Variants in RYR2 observed in about 807,000 individuals in gnomAD.
The protein encoded by RYR2 is cardiac muscle ryanodine receptor-calcium release channel.
Under a neutral mutation model 601.1 loss-of-function variants are expected in RYR2, and 227 were observed. The ratio of observed to expected loss-of-function variants is 0.38; its 90% CI spans 0.34 to 0.42. The LOEUF (loss-of-function observed/expected upper bound fraction) is 0.42. Ranked by LOEUF, RYR2 falls within the 10% of genes least tolerant of loss-of-function variation. RYR2 has a pLI of 1.00. For missense variants in RYR2, 4,646 were observed against 6,156.5 expected (o/e 0.75, Z 8.21); for synonymous variants, 2,223 against 2,175.1 (o/e 1.02, Z -0.61).
chr1:237,606,587 G>A (rs952755895), intron 35 of RYR2, among the ~76,000 whole-genome samples: 2 of 152,174 alleles, frequency 1.3e-5, no homozygotes, highest in Non-Finnish European at 2.9e-5. Context: ...TTAAACTAAA[G>A]AGCTTCTGCA....
chr1:237,718,098 G>C (rs1040503977), intron 72 of RYR2, among the ~76,000 whole-genome samples: 1 of 152,040 alleles, frequency 6.6e-6, no homozygotes, highest in Non-Finnish European at 1.5e-5. Context: ...GCTATTACTG[G>C]GTCATGGAGG....
At chr1:237,729,910 C>T (rs1690526828) in intron 76 of RYR2, among the ~76,000 whole-genome samples, 1 of 152,104 alleles carries the variant, frequency 6.6e-6, no homozygotes, top group South Asian at 2.1e-4. Context: ...ATTTAATGAA[C>T]ATCTAATCAA....
At chr1:237,222,737 C>CA (rs757445989) in intron 1 of RYR2, among the ~76,000 whole-genome samples, 1 of 151,952 alleles carries the variant, frequency 6.6e-6, no homozygotes, top group Non-Finnish European at 1.5e-5. Flanking sequence ...TTTCTAACCC[C>CA]AAATTTATGT....
chr1:237,578,335 A>G lies in RYR2; in HGVS notation c.3598+9016A>G, dbSNP rs116180421. ...TGGCTCAGGTACAGGTCATAGTAGT[A>G]TCCTCTCTTTTATGAGCAGGGTGCT... On this transcript the variant is annotated intron_variant, in intron 29 of 104. Transcript: ENST00000366574. Among the ~76,000 whole-genome samples the G allele has an allele frequency of 3.7e-3, 560 of 152,272 alleles. 2 individuals carry two copies. Among genetic ancestry groups the G allele is most frequent in the African/African-American group, 0.013 (521 of 41,552 alleles).
At chr1:237,445,585 C>A in intron 14 of RYR2, 63 bp downstream of exon 14, 1 of 1,578,772 alleles carries the variant, frequency 6.3e-7, no homozygotes, top group Non-Finnish European at 8.7e-7. Context: ...ATTGGATATG[C>A]AAATAGACAA....
At position 237,783,724 on chromosome 1, in the gene RYR2, G is replaced by C; in HGVS notation, c.12012G>C (p.Val4004=). 1 of 1,611,948 alleles carries C rather than the reference G, an allele frequency of 6.2e-7. No individual in the cohort carries two copies. The highest frequency in any genetic ancestry group is 8.5e-7 in the Non-Finnish European group (1 of 1,178,706). Reference sequence around the variant, plus strand: ...GCAAACAGATGGTGGATATGCTTGTGGAATCTTCCAACAACGTGGAGATGA... The same window carrying C: ...GCAAACAGATGGTGGATATGCTTGTCGAATCTTCCAACAACGTGGAGATGA... The part of the protein sequence containing the change: ...TIGKQMVDML[V]ESSNNVEMIL... Residue 4004 remains valine, a synonymous_variant, in exon 90 of 105, where the codon GTG becomes GTC. Coordinates refer to ENST00000366574, the MANE Select transcript of RYR2 (RefSeq NM_001035.3).
intron 2 of RYR2, among the ~76,000 whole-genome samples, chr1:237,294,978 C>G (rs765087339): frequency 4.6e-5 from 7 of 152,070 alleles, no homozygotes; most frequent in Admixed American, 1.3e-4. Context: ...GTTTGGGAGA[C>G]TGAGATGGAA....
chr1:237,276,803 A>G (rs1393797920), intron 2 of RYR2, among the ~76,000 whole-genome samples: 1 of 152,244 alleles, frequency 6.6e-6, no homozygotes, highest in East Asian at 1.9e-4. Context: ...TCATAAAATA[A>G]ATAGTGTGGT....
intron 77 of RYR2, among the ~76,000 whole-genome samples, chr1:237,730,989 C>A (rs953264449): frequency 6.6e-6 from 1 of 152,136 alleles, no homozygotes; most frequent in Non-Finnish European, 1.5e-5. Context: ...TAGTCAGAGG[C>A]TTCATGATTC....
chr1:237,408,085 T>A (rs1353257615), intron 10 of RYR2, among the ~76,000 whole-genome samples: 1 of 152,102 alleles, frequency 6.6e-6, no homozygotes, highest in Non-Finnish European at 1.5e-5. Context: ...AACTTACCAA[T>A]TTTTTATTTC....
At chr1:237,576,985 A>G (rs1242775630) in intron 29 of RYR2, among the ~76,000 whole-genome samples, 6 of 152,186 alleles carry the variant, frequency 3.9e-5, no homozygotes, top group Admixed American at 3.9e-4. Flanking sequence ...CAGTACACCC[A>G]TAGAACCTCT....
chr1:237,715,698 C>T (rs1194488858), intron 71 of RYR2, among the ~76,000 whole-genome samples: 1 of 152,076 alleles, frequency 6.6e-6, no homozygotes, highest in Non-Finnish European at 1.5e-5. Context: ...CAAACCAATA[C>T]AATTTAGACT....
chr1:237,540,146 A>G (rs1375673225), intron 25 of RYR2, among the ~76,000 whole-genome samples: 1 of 151,994 alleles, frequency 6.6e-6, no homozygotes, highest in Non-Finnish European at 1.5e-5. Flanking sequence ...CTCTTGACAC[A>G]CTGCATAGTT....
At chr1:237,584,378 A>G (rs2618707) in intron 29 of RYR2, among the ~76,000 whole-genome samples, 54,078 of 151,984 alleles carry the variant, frequency 0.36, 11,265 homozygotes, top group Admixed American at 0.48. Context: ...TTCTGACACT[A>G]TATGATGTAG....
chr1:237,825,173 T>C (rs1326085713), intron 101 of RYR2, among the ~76,000 whole-genome samples: 2 of 152,146 alleles, frequency 1.3e-5, no homozygotes, highest in East Asian at 3.9e-4. Flanking sequence ...ACTTTAAATT[T>C]CATGTGGAAC....
intron 16 of RYR2, among the ~76,000 whole-genome samples, chr1:237,459,166 G>A (rs191258523): frequency 1.7e-4 from 26 of 152,352 alleles, no homozygotes; most frequent in Middle Eastern, 6.8e-3. Flanking sequence ...GTGTGGTGAT[G>A]TTTTTAACAC....
At chr1:237,258,226 G>A (rs1688182923) in intron 1 of RYR2, among the ~76,000 whole-genome samples, 1 of 151,650 alleles carries the variant, frequency 6.6e-6, no homozygotes, top group Non-Finnish European at 1.5e-5. Context: ...CACATCTGAG[G>A]AGCAAAATAG....
At chr1:237,572,927 G>T (rs952288403) in intron 29 of RYR2, among the ~76,000 whole-genome samples, 1 of 152,132 alleles carries the variant, frequency 6.6e-6, no homozygotes, top group Non-Finnish European at 1.5e-5. Context: ...ACTACTGGGA[G>T]CTAGCATTGA....
At chr1:237,646,031 T>G (rs372156713) in intron 48 of RYR2, among the ~76,000 whole-genome samples, 1 of 150,922 alleles carries the variant, frequency 6.6e-6, no homozygotes, top group Non-Finnish European at 1.5e-5. Flanking sequence ...CGCCCGCCAC[T>G]ATGCCCGGCT....
Sources: allele counts gnomAD v4.1 joint callset (sites outside exome capture counted in the v4.1 genomes callset), GRCh38; gene constraint gnomAD v4.1.1; transcripts MANE v1.5; gene names NCBI Gene and HGNC (gene_info 2026-07-23, HGNC 2026-07-21).